The following RPP14 variants were observed in gnomAD, a reference collection of about 807,000 sequenced individuals.
The protein encoded by RPP14 is ribonuclease P protein subunit p14.
RPP14 carries 19 observed loss-of-function variants against 17.8 expected under a neutral mutation model. The observed-to-expected ratio is 1.07, with a 90% CI of 0.74 to 1.57. The LOEUF is 1.57. RPP14 is among the 40% of genes most tolerant of loss of function. The pLI is 0.00. For synonymous variants in RPP14, 60 were observed against 56.4 expected (o/e 1.06, Z -0.29); for missense variants, 125 against 140.8 (o/e 0.89, Z 0.57).
chr3:58,308,567 C>G (rs1301022371), intron 1 of RPP14, among the ~76,000 whole-genome samples: 2 of 152,110 alleles, frequency 1.3e-5, no homozygotes, highest in Non-Finnish European at 2.9e-5. Flanking sequence ...CACGCCAGGC[C>G]CCAAAGTATT....
At chr3:58,311,542 T>C (rs980628230) in intron 3 of RPP14, among the ~76,000 whole-genome samples, 1 of 152,218 alleles carries the variant, frequency 6.6e-6, no homozygotes, top group African/African-American at 2.4e-5. Context: ...CAAAATGGCC[T>C]CCAGTTCTAT....
At chr3:58,315,373 G>C (rs150822487) in intron 3 of RPP14, among the ~76,000 whole-genome samples, 1 of 152,076 alleles carries the variant, frequency 6.6e-6, no homozygotes, top group Non-Finnish European at 1.5e-5. Flanking sequence ...TTGCTGGGGT[G>C]AGGAGTAGGG....
At position 58,319,791 on chromosome 3, in the gene RPP14, C is replaced by G. The variant is rs1290961639; in HGVS notation, c.*2295C>G. The G allele has an allele frequency of 6.6e-6, 1 of 152,002 alleles. No individual in the cohort carries two copies. Among genetic ancestry groups the G allele is most frequent in the African/African-American group, 2.4e-5 (1 of 41,358 alleles). The allele number at this position is 152,002 out of a possible 1,614,324, so 9.4% of individuals were successfully genotyped here. On this transcript the variant is annotated 3_prime_UTR_variant, in exon 6 of 6. Coordinates refer to ENST00000295959, the MANE Select transcript of RPP14 (RefSeq NM_007042.6). ...CCCAACACAGCCAACACTTTTGTTT[C>G]CCATTTTTTTTTGTTTCCCGTTTTT...
intron 3 of RPP14, 27 bp from the exon 4 acceptor site, chr3:58,316,488 C>T (rs765445843): frequency 6.3e-7 from 1 of 1,593,954 alleles, no homozygotes; most frequent in Non-Finnish European, 8.6e-7. Context: ...TGAGAATAGC[C>T]TGCTAATAGC....
chr3:58,307,438 T>A (rs1008991811), intron 1 of RPP14, among the ~76,000 whole-genome samples: 1 of 152,172 alleles, frequency 6.6e-6, no homozygotes, highest in African/African-American at 2.4e-5. Context: ...AAAGGCTGAC[T>A]CTAGGCCGGG....
chr3:58,311,274 C>T (rs1406960820), intron 3 of RPP14, among the ~76,000 whole-genome samples: 2 of 152,078 alleles, frequency 1.3e-5, no homozygotes, highest in Non-Finnish European at 2.9e-5. Context: ...CCTGCCTTAG[C>T]CCCCCTGGTA....
rs2097474569 is a variant in RPP14, at chr3:58,306,422, G to T, written c.-22+5G>T. ...GGCTAGTCCGACGAAGAGTGGGTAGGTGGAAGCCTTCCAAAGAGCGGCGGT... is the reference window on the plus strand; with the variant it reads ...GGCTAGTCCGACGAAGAGTGGGTAGTTGGAAGCCTTCCAAAGAGCGGCGGT... On this transcript the variant is annotated splice_donor_5th_base_variant and intron_variant, in intron 1 of 5. Transcript: ENST00000295959. 1 of 152,338 alleles carries T rather than the reference G, an allele frequency of 6.6e-6. No homozygotes were observed. The highest frequency in any genetic ancestry group is 2.4e-5 in the African/African-American group (1 of 41,482). The allele number at this position is 152,338 out of a possible 1,614,324, so 9.4% of individuals were successfully genotyped here.
intron 5 of RPP14, among the ~76,000 whole-genome samples, chr3:58,317,204 C>A (rs561589669): frequency 6.6e-6 from 1 of 152,224 alleles, no homozygotes; most frequent in South Asian, 2.1e-4. Context: ...ATAAAACTTG[C>A]AACCCTGTGG....
At position 58,310,504 on chromosome 3, in the gene RPP14, T is replaced by A; in HGVS notation, c.78-3T>A. ...TGACTTTTTTTTTTTTCACTTTTTT[T>A]AGAGAATTTCAAGATTGTGGAGTTG... On this transcript the variant is annotated splice_polypyrimidine_tract_variant and splice_region_variant and intron_variant, in intron 2 of 5. Transcript: ENST00000295959. The A allele has an allele frequency of 6.2e-7, 1 of 1,607,514 alleles. No homozygotes were observed. Among genetic ancestry groups the A allele is most frequent in the Non-Finnish European group, 8.5e-7 (1 of 1,178,096 alleles).
intron 3 of RPP14, 61 bp downstream of exon 3, chr3:58,310,652 G>T: frequency 6.9e-7 from 1 of 1,448,838 alleles, no homozygotes; most frequent in Non-Finnish European, 9.5e-7. Flanking sequence ...ACAGAAAGAG[G>T]CCGGGCGCGG....
intron 3 of RPP14, among the ~76,000 whole-genome samples, chr3:58,315,344 T>C (rs998640625): frequency 1.3e-5 from 2 of 150,930 alleles, no homozygotes; most frequent in Non-Finnish European, 2.9e-5. Flanking sequence ...CTATATATAA[T>C]CTGGAGAAAG....
At chr3:58,313,258 C>CA (rs1443143733) in intron 3 of RPP14, among the ~76,000 whole-genome samples, 3 of 151,220 alleles carry the variant, frequency 2.0e-5, no homozygotes, top group South Asian at 2.1e-4. Flanking sequence ...GACTCGGTCT[C>CA]AAAAAAAAGG....
intron 3 of RPP14, among the ~76,000 whole-genome samples, chr3:58,313,559 A>T (rs925389184): frequency 1.3e-5 from 2 of 152,228 alleles, no homozygotes; most frequent in East Asian, 3.9e-4. Context: ...GCAGTGGCTC[A>T]CAGCTGTAAT....
rs2107512984 is a variant in RPP14 at position 58,319,296 on chromosome 3, C to G, written c.*1800C>G. 1 of 152,318 alleles carries G rather than the reference C, an allele frequency of 6.6e-6. No homozygotes were observed. Among genetic ancestry groups the G allele is most frequent in the Non-Finnish European group, 1.5e-5 (1 of 68,038 alleles). 9.4% of individuals were successfully genotyped at this position (152,318 alleles called of 1,614,324 possible). On this transcript the variant is annotated 3_prime_UTR_variant, in exon 6 of 6. Transcript: ENST00000295959. ...TTTCAGGGGAGGGGCGTATGTGCAT[C>G]CTCGGTCTCAGTTATGTAAACGGTC...
intron 3 of RPP14, among the ~76,000 whole-genome samples, chr3:58,311,977 A>G (rs1486592293): frequency 6.6e-6 from 1 of 151,928 alleles, no homozygotes; most frequent in East Asian, 1.9e-4. Flanking sequence ...AGCTCAAGTG[A>G]TTCTCCCACC....
At chr3:58,307,387 C>T (rs573254701) in intron 1 of RPP14, among the ~76,000 whole-genome samples, 3 of 152,278 alleles carry the variant, frequency 2.0e-5, no homozygotes, top group East Asian at 3.9e-4. Flanking sequence ...AGATTTATTA[C>T]TAATAGGTCA....
chr3:58,314,398 C>T (rs952720059), intron 3 of RPP14, among the ~76,000 whole-genome samples: 1 of 152,026 alleles, frequency 6.6e-6, no homozygotes, highest in African/African-American at 2.4e-5. Context: ...AGAACTCAAC[C>T]AAACAATTCA....
Position 58,310,398 on chromosome 3 carries a change from A to G in RPP14, c.69A>G (p.Lys23=). Reference sequence around the variant, plus strand: ...ACCCTTCCGAGTACCACTACATGAAAGTCTGCCTGTAAGTTTAGTTTCCTA... The same window carrying G: ...ACCCTTCCGAGTACCACTACATGAAGGTCTGCCTGTAAGTTTAGTTTCCTA... ...YKNPSEYHYM[K]VCLEFQDCGV... The change falls in exon 2 of 6, where the codon AAA becomes AAG. Residue 23 remains lysine (K), a synonymous_variant. Coordinates refer to ENST00000295959, the MANE Select transcript of RPP14 (RefSeq NM_007042.6). The G allele has an allele frequency of 6.2e-7, 1 of 1,614,014 alleles. No individual in the cohort carries two copies. The highest frequency in any genetic ancestry group is 8.5e-7 in the Non-Finnish European group (1 of 1,179,870).
At chr3:58,310,922 C>G (rs2097481500) in intron 3 of RPP14, among the ~76,000 whole-genome samples, 1 of 109,206 alleles carries the variant, frequency 9.2e-6, no homozygotes, top group Admixed American at 9.4e-5. Context: ...GAGCGAGACT[C>G]TGTCACAAAA....
Sources: gnomAD v4.1 joint callset for allele counts (sites outside exome capture counted in the v4.1 genomes callset) on GRCh38, gnomAD v4.1.1 for gene constraint, MANE v1.5 for transcripts, NCBI Gene and HGNC (gene_info 2026-07-23, HGNC 2026-07-21) for gene names.